Variants in TRPM2 observed in about 807,000 individuals in gnomAD.
TRPM2 encodes transient receptor potential cation channel subfamily M member 2.
Under a neutral mutation model 174.0 loss-of-function variants are expected in TRPM2, and 161 were observed. The ratio of observed to expected loss-of-function variants is 0.93; its 90% confidence interval spans 0.81 to 1.05. TRPM2 has a LOEUF of 1.05. Among genes scored for constraint, TRPM2 ranks in the 50% least tolerant of loss-of-function variants. The pLI is 0.00. For synonymous variants in TRPM2, 954 were observed against 861.3 expected (o/e 1.11, Z -1.88); for missense variants, 2,057 against 2,038.0 (o/e 1.01, Z -0.18).
rs748837077 is a variant in TRPM2 at position 44,405,906 on chromosome 21, C to G, written c.2659C>G (p.Leu887Val). The part of the protein sequence containing the change: ...LLFVAGLTCR[L>V]IPATLYPGRV... ...TGTGTGCTTCTGCCCGGCGGCCAGG[C>G]TCATCCCGGCGACGCTGTACCCCGG... The change falls in exon 18 of 32, where the codon CTC (leucine) becomes GTC (valine). Residue 887 changes from leucine to valine, a missense_variant and splice_region_variant. By Grantham distance (32) the Leu-to-Val change is conservative. Transcript: ENST00000397928. 8 of 1,602,046 alleles carry G rather than the reference C, an allele frequency of 5.0e-6. No homozygotes were observed. The highest frequency in any genetic ancestry group is 1.7e-4 in the Middle Eastern group (1 of 6,052).
intron 19 of TRPM2, among the ~76,000 whole-genome samples, chr21:44,408,794 A>G (rs548100452): frequency 1.8e-4 from 28 of 151,560 alleles, no homozygotes; most frequent in African/African-American, 6.8e-4. Context: ...AGTAGCTGGG[A>G]CTACAGGCGC....
chr21:44,353,092 G>A (rs1047895851), upstream of TRPM2, among the ~76,000 whole-genome samples: 1 of 152,226 alleles, frequency 6.6e-6, no homozygotes, highest in African/African-American at 2.4e-5. Flanking sequence ...GGAGACCGAG[G>A]TTGCAGTGAG....
chr21:44,430,338 A>G (rs551675916), intron 27 of TRPM2, among the ~76,000 whole-genome samples: 12 of 152,058 alleles, frequency 7.9e-5, no homozygotes, highest in African/African-American at 2.9e-4. Context: ...TGAGGTGGAG[A>G]TAATTATTTG....
In TRPM2 at chr21:44,399,934, T is replaced by C. The variant is rs917813381; in HGVS notation, c.2209-325T>C. Among the ~76,000 whole-genome samples the C allele has an allele frequency of 3.6e-4, 55 of 152,160 alleles. No individual in the cohort carries two copies. The highest frequency in any genetic ancestry group is 1.2e-3 in the African/African-American group (49 of 41,446). ...TTGCCAAGTCCATGAGCTCCCGTCA[T>C]GTCCTGGGCTGTGCCAGGCCTAGGG... On this transcript the variant is annotated intron_variant, in intron 14 of 31. Coordinates refer to ENST00000397928, the MANE Select transcript of TRPM2 (RefSeq NM_003307.4). This position sits in a 1 kb window ranked among gnomAD's most constrained non-coding sequence, Gnocchi z 4.6.
At chr21:44,440,622 G>A (rs371413193) in intron 30 of TRPM2, among the ~76,000 whole-genome samples, 167 bp from the exon 31 acceptor site, 7 of 152,360 alleles carry the variant, frequency 4.6e-5, no homozygotes, top group African/African-American at 1.2e-4. Context: ...GGGCTGCTCC[G>A]CCTTGCAGGC....
At position 44,439,771 on chromosome 21, in the gene TRPM2, G is replaced by A. The variant is rs1192747081; in HGVS notation, c.4269+603G>A. Among the ~76,000 whole-genome samples the A allele has an allele frequency of 6.6e-6, 1 of 152,120 alleles. No homozygotes were observed. Among genetic ancestry groups the A allele is most frequent in the Non-Finnish European group, 1.5e-5 (1 of 68,034 alleles). On this transcript the variant is annotated intron_variant, in intron 30 of 31. Transcript: ENST00000397928. The surrounding 1 kb of genome is among the most constrained non-coding windows in gnomAD (Gnocchi z 5.1). ...AGGTCTTATTCTGTCACCCAGGCTA[G>A]AGTGCAGTGGTGCGATCTTGGCTTG...
Position 44,438,658 on chromosome 21 carries a change from T to C in TRPM2, c.4168-409T>C, listed in dbSNP as rs1447327512. On this transcript the variant is annotated intron_variant, in intron 29 of 31. Transcript: ENST00000397928. This position sits in a 1 kb window ranked among gnomAD's most constrained non-coding sequence, Gnocchi z 5.9. Reference sequence around the variant, plus strand: ...GCCGCAGCACAGGCCGGGGTGGGACTGGGAGAGACGGGAATGCAAACAGGG... The same window carrying C: ...GCCGCAGCACAGGCCGGGGTGGGACCGGGAGAGACGGGAATGCAAACAGGG... Among the ~76,000 whole-genome samples, 1 of 151,888 alleles carries C rather than the reference T, an allele frequency of 6.6e-6. No homozygotes were observed. The highest frequency in any genetic ancestry group is 1.5e-5 in the Non-Finnish European group (1 of 67,962).
chr21:44,355,855 C>T (rs1487492342), intron 2 of TRPM2, among the ~76,000 whole-genome samples: 2 of 150,934 alleles, frequency 1.3e-5, no homozygotes, highest in Non-Finnish European at 1.5e-5. Context: ...GAATTGTTCC[C>T]GGACACCCAC....
intron 6 of TRPM2, 121 bp from the exon 7 acceptor site, chr21:44,377,591 C>T (rs762764409): frequency 1.0e-4 from 135 of 1,331,828 alleles, no homozygotes; most frequent in Non-Finnish European, 1.3e-4. Context: ...GCCCTCAGTG[C>T]AGGGTCTTGC....
At chr21:44,406,167 C>A in intron 18 of TRPM2, 130 bp downstream of exon 18, 1 of 1,194,542 alleles carries the variant, frequency 8.4e-7, no homozygotes, top group South Asian at 1.5e-5. Flanking sequence ...CCTGCTTTGC[C>A]CCTTGGGCTC....
At chr21:44,355,187 C>A (rs2048020740) in intron 2 of TRPM2, among the ~76,000 whole-genome samples, 1 of 152,180 alleles carries the variant, frequency 6.6e-6, no homozygotes, top group Non-Finnish European at 1.5e-5. Context: ...GACTTGCCCC[C>A]AGGCCCCACA....
At chr21:44,352,060 G>A (rs2047934623), upstream of TRPM2, among the ~76,000 whole-genome samples, 1 of 152,206 alleles carries the variant, frequency 6.6e-6, no homozygotes, top group African/African-American at 2.4e-5. Context: ...CCTGCAGTCT[G>A]GGTCCCCTTG....
intron 29 of TRPM2, 87 bp downstream of exon 29, chr21:44,437,254 C>T (rs2051309266): frequency 7.7e-7 from 1 of 1,301,596 alleles, no homozygotes; most frequent in Non-Finnish European, 1.1e-6. Context: ...GGACTGGACA[C>T]CAGCCCCCTG....
chr21:44,365,182 TG>T (rs2048325742), intron 3 of TRPM2, among the ~76,000 whole-genome samples: 1 of 152,032 alleles, frequency 6.6e-6, no homozygotes, highest in Non-Finnish European at 1.5e-5. Context: ...GAGACTTGCA[TG>T]TTGACCAGCC....
chr21:44,387,796 C>G (rs1602189955), intron 9 of TRPM2, among the ~76,000 whole-genome samples: 1 of 152,148 alleles, frequency 6.6e-6, no homozygotes, highest in African/African-American at 2.4e-5. Context: ...TGAAAAGATG[C>G]TCAGCATCAC....
chr21:44,400,732 C>T (rs1183656908), intron 15 of TRPM2, among the ~76,000 whole-genome samples: 2 of 113,994 alleles, frequency 1.8e-5, no homozygotes, highest in Non-Finnish European at 4.3e-5. Flanking sequence ...ATGCGAGCAG[C>T]GAGCTGCGGC....
At chr21:44,425,223 G>T (rs917164089) in intron 24 of TRPM2, 15 of 444,064 alleles carry the variant, frequency 3.4e-5, no homozygotes, top group African/African-American at 1.6e-4. Flanking sequence ...CTGCAGAGTG[G>T]GGGTGCGAGG....
intron 16 of TRPM2, among the ~76,000 whole-genome samples, chr21:44,404,365 G>T (rs1336411212): frequency 7.5e-6 from 1 of 132,618 alleles, no homozygotes; most frequent in South Asian, 2.4e-4. Context: ...GACACATACA[G>T]AATGCACACA....
At chr21:44,360,476 C>T (rs1297070853) in intron 2 of TRPM2, among the ~76,000 whole-genome samples, 1 of 152,056 alleles carries the variant, frequency 6.6e-6, no homozygotes, top group Non-Finnish European at 1.5e-5. Flanking sequence ...AAGGGCCCCA[C>T]GGTTCCCCCT....
Sources: allele counts gnomAD v4.1 joint callset (sites outside exome capture counted in the v4.1 genomes callset), GRCh38; gene constraint gnomAD v4.1.1; non-coding constraint Gnocchi (gnomAD v3.1); transcripts MANE v1.5; gene names NCBI Gene and HGNC (gene_info 2026-07-23, HGNC 2026-07-21).